The following WDR44 variants were observed in gnomAD, a reference collection of about 807,000 sequenced individuals.
WDR44 encodes WD repeat domain 44.
Under a neutral mutation model 65.7 loss-of-function variants are expected in WDR44, and 9 were observed. The ratio of observed to expected loss-of-function variants is 0.14; its 90% CI spans 0.08 to 0.24. The LOEUF (loss-of-function observed/expected upper bound fraction) is 0.24. Ranked by LOEUF, WDR44 falls within the 10% of genes least tolerant of loss-of-function variation. The pLI is 1.00. For synonymous variants in WDR44, 220 were observed against 235.2 expected, an observed-to-expected ratio of 0.94 and a Z score of 0.59; for missense variants, 425 against 670.9, an observed-to-expected ratio of 0.63 and a Z score of 4.05.
chrX:118,378,602 G>T, intron 2 of WDR44, 150 bp downstream of exon 2: 2 of 439,939 alleles, frequency 4.5e-6, no homozygotes, highest in East Asian at 3.8e-5. Context: ...GTATACATAG[G>T]TACTCTAGAA....
At chrX:118,358,642 T>G (rs1046800063) in intron 1 of WDR44, among the ~76,000 whole-genome samples, 10 of 111,618 alleles carry the variant, frequency 9.0e-5, no homozygotes, top group Non-Finnish European at 1.5e-4. Flanking sequence ...GAGGTGGAGA[T>G]TGCAGTGAGC....
intron 1 of WDR44, among the ~76,000 whole-genome samples, chrX:118,348,199 T>C (rs1360249994): frequency 8.9e-6 from 1 of 112,316 alleles, no homozygotes; most frequent in Non-Finnish European, 1.9e-5. Flanking sequence ...GTCCAGTACC[T>C]GGGCACAGAG....
chrX:118,393,030 A>G lies in WDR44; in HGVS notation c.585A>G (p.Ser195=). 1 of 1,212,135 alleles carries G rather than the reference A, an allele frequency of 8.2e-7. No individual in the cohort carries two copies. The highest frequency in any genetic ancestry group is 1.1e-6 in the Non-Finnish European group (1 of 895,622). ...GTGATGTTTTAGAGCCTGTGTCCTC[A>G]GACTCCTTATCTACTAAAGATTTTG... ...GGGDVLEPVS[S]DSLSTKDFAA... is the part of the protein sequence containing the mutation. The change falls in exon 4 of 20, where the codon TCA becomes TCG. Residue 195 remains serine, a synonymous_variant. Coordinates refer to ENST00000254029, the MANE Select transcript of WDR44 (RefSeq NM_019045.5).
chrX:118,442,451 T>C, intron 16 of WDR44, 106 bp downstream of exon 16: 2 of 944,279 alleles, frequency 2.1e-6, no homozygotes, highest in Non-Finnish European at 3.0e-6. Context: ...GAATACCGCT[T>C]TTCTTCTAGT....
chrX:118,377,358 T>TA (rs1331089175), intron 1 of WDR44, among the ~76,000 whole-genome samples: 1,096 of 105,826 alleles, frequency 0.01, 8 homozygotes, highest in Non-Finnish European at 0.015. Context: ...ACTCTGTCTT[T>TA]AAAAAAAAAA....
chrX:118,389,515 G>A (rs928588835), intron 3 of WDR44, among the ~76,000 whole-genome samples: 1 of 110,452 alleles, frequency 9.1e-6, no homozygotes, highest in Admixed American at 9.7e-5. Flanking sequence ...GAGGTCGGGA[G>A]TTCGAGACCA....
chrX:118,395,253 A>G lies in WDR44; in HGVS notation c.962A>G (p.Asn321Ser). 8.3e-7 allele frequency: 1 copy of G among 1,206,736 alleles called. No individual in the cohort carries two copies. Among genetic ancestry groups the G allele is most frequent in the Non-Finnish European group, 1.1e-6 (1 of 892,916 alleles). Residue 321 changes from asparagine to serine, a missense_variant, in exon 6 of 20, where the codon AAT becomes AGT. Asn to Ser is a conservative substitution (Grantham distance 46). Coordinates refer to ENST00000254029, the MANE Select transcript of WDR44 (RefSeq NM_019045.5). The part of the protein sequence containing the change: ...SGDKIVTAQE[N>S]GKAPDGQTVA... ...TTTATAAAATTATATTTCCAGGAAA[A>G]TGGAAAAGCACCTGATGGGCAGACT...
chrX:118,387,107 G>C (rs916798543), intron 2 of WDR44, among the ~76,000 whole-genome samples: 2 of 105,337 alleles, frequency 1.9e-5, no homozygotes, highest in Admixed American at 2.1e-4. Context: ...ACTTGAACCC[G>C]GGAAGCAGAG....
At position 118,385,837 on chromosome X, in the gene WDR44, G is replaced by A. The variant is rs190282368; in HGVS notation, c.112-1503G>A. 1.9e-3 allele frequency among the ~76,000 whole-genome samples: 209 copies of A among 110,580 alleles called. 1 individual carries two copies. The highest frequency in any genetic ancestry group is 6.7e-3 in the African/African-American group (204 of 30,459). ...GGGGAGTGATATGAGAGGGAGATGA[G>A]GAGTGTAGAAGATATCAAAAATGTA... On this transcript the variant is annotated intron_variant, in intron 2 of 19. Transcript: ENST00000254029.
chrX:118,441,611 T>C, intron 15 of WDR44, 52 bp downstream of exon 15: 2 of 1,083,470 alleles, frequency 1.8e-6, no homozygotes, highest in Non-Finnish European at 2.5e-6. Context: ...GTAAACACTT[T>C]CATGGTTTTG....
rs779047588 is a variant in WDR44 at position 118,433,249 on chromosome X, T to G, written c.1851+355T>G. 1.1e-4 allele frequency among the ~76,000 whole-genome samples: 12 copies of G among 111,849 alleles called. No individual in the cohort carries two copies. The South Asian group carries it at 4.5e-3, about 42-fold the overall frequency. On this transcript the variant is annotated intron_variant, in intron 13 of 19. Transcript: ENST00000254029. The stretch of plus-strand genomic sequence containing the variant: ...ATTAACACCTTTTCTTTGAACTCAT[T>G]CTCCTTAACCTTTCTCTAGCATTTG...
At chrX:118,444,867 T>C (rs982173161) in intron 19 of WDR44, 5 of 298,967 alleles carry the variant, frequency 1.7e-5, no homozygotes, top group South Asian at 1.2e-4. Flanking sequence ...CCCAAAGTGC[T>C]GGGATTACAG....
chrX:118,409,757 A>G (rs1468627941), intron 11 of WDR44, 130 bp downstream of exon 11: 1 of 643,465 alleles, frequency 1.6e-6, no homozygotes, highest in African/African-American at 2.3e-5. Context: ...ACTTGAAAGT[A>G]AGACAGACGT....
intron 6 of WDR44, among the ~76,000 whole-genome samples, chrX:118,396,489 G>A (rs2056867101): frequency 8.9e-6 from 1 of 112,083 alleles, no homozygotes; most frequent in South Asian, 3.6e-4. Flanking sequence ...AGGAATGAAG[G>A]GATAAAGTAC....
intron 1 of WDR44, among the ~76,000 whole-genome samples, chrX:118,365,826 T>C (rs1157664066): frequency 3.6e-5 from 4 of 112,311 alleles, no homozygotes; most frequent in Non-Finnish European, 5.6e-5. Flanking sequence ...CATAGGGCTC[T>C]TAAACAATTA....
intron 1 of WDR44, among the ~76,000 whole-genome samples, chrX:118,376,502 G>A (rs2056661082): frequency 9.0e-6 from 1 of 110,861 alleles, no homozygotes; most frequent in African/African-American, 3.3e-5. Flanking sequence ...TCTTGAAGGT[G>A]CCTTTCAATT....
At chrX:118,381,245 G>A (rs1448845329) in intron 2 of WDR44, among the ~76,000 whole-genome samples, 1 of 111,601 alleles carries the variant, frequency 9.0e-6, no homozygotes, top group Non-Finnish European at 1.9e-5. Flanking sequence ...GAGACGGGCA[G>A]ATCACCTGAG....
Position 118,436,280 on chromosome X carries a change from A to G in WDR44, c.1852-422A>G, listed in dbSNP as rs773082336. Among the ~76,000 whole-genome samples the G allele has an allele frequency of 6.4e-4, 72 of 112,366 alleles. 1 individual carries two copies. The highest frequency in any genetic ancestry group is 4.6e-3 in the Middle Eastern group (1 of 216). ...CTTTTTGAAGACATTTTAAATGACA[A>G]TTAGAGATCTATGTGAGTTAAAATT... is the stretch of plus-strand genomic sequence containing the variant. On this transcript the variant is annotated intron_variant, in intron 13 of 19. Coordinates refer to ENST00000254029, the MANE Select transcript of WDR44 (RefSeq NM_019045.5).
chrX:118,358,468 T>A (rs746381885), intron 1 of WDR44, among the ~76,000 whole-genome samples: 2 of 112,111 alleles, frequency 1.8e-5, no homozygotes, highest in Non-Finnish European at 3.8e-5. Context: ...CATGAGAGGC[T>A]GAGGTGGACG....
Sources: gnomAD v4.1 joint callset for allele counts (sites outside exome capture counted in the v4.1 genomes callset) on GRCh38, gnomAD v4.1.1 for gene constraint, MANE v1.5 for transcripts, NCBI Gene and HGNC (gene_info 2026-07-23, HGNC 2026-07-21) for gene names.